The following CFAP47 variants were observed in gnomAD, a reference collection of about 807,000 sequenced individuals.
The protein encoded by CFAP47 is cilia- and flagella-associated protein 47.
A neutral mutation model predicts 148.1 loss-of-function variants in CFAP47; 29 were observed. That is an observed-to-expected ratio of 0.20 (90% CI 0.15 to 0.27). The LOEUF is 0.27. CFAP47 is among the 10% of genes least tolerant of loss of function. The pLI, the probability that CFAP47 is intolerant of heterozygous loss-of-function variation, is 1.00. For missense variants in CFAP47, 1,872 were observed against 1,697.5 expected, an observed-to-expected ratio of 1.10 and a Z score of -1.81; for synonymous variants, 664 against 577.3, an observed-to-expected ratio of 1.15 and a Z score of -2.15.
At chrX:36,055,051 TGGGATTACAGGC>T (rs751581824) in intron 26 of CFAP47, among the ~76,000 whole-genome samples, 5 of 434 alleles carry the variant, frequency 0.012, no homozygotes, top group East Asian at 0.12. Context: ...GGATTACAGG[TGGGATTACAGGC>T]GTGAGCCACC....
intron 53 of CFAP47, among the ~76,000 whole-genome samples, chrX:36,303,448 G>A (rs782000398): frequency 1.3e-4 from 14 of 110,774 alleles, no homozygotes; most frequent in African/African-American, 3.6e-4. Flanking sequence ...GCTTCCCAAA[G>A]CATTGGGATT....
chrX:36,000,244 T>G (rs1936898404), intron 19 of CFAP47, 39 bp from the exon 20 acceptor site: 1 of 282,186 alleles, frequency 3.5e-6, no homozygotes, highest in African/African-American at 2.8e-5. Flanking sequence ...TTTCATAAAC[T>G]ATTCTATTTT....
intron 21 of CFAP47, among the ~76,000 whole-genome samples, chrX:36,002,430 T>C (rs764287796): frequency 9.0e-6 from 1 of 110,931 alleles, no homozygotes; most frequent in South Asian, 3.8e-4. Flanking sequence ...CTACTAAAAG[T>C]ACAAAAATTA....
At chrX:36,086,510 C>G (rs1273386385) in intron 30 of CFAP47, among the ~76,000 whole-genome samples, 1 of 111,755 alleles carries the variant, frequency 8.9e-6, no homozygotes, top group Non-Finnish European at 1.9e-5. Context: ...AGATGTTCAT[C>G]TATCCTAGCA....
chrX:36,318,919 C>A (rs1602106601), intron 56 of CFAP47, among the ~76,000 whole-genome samples: 1 of 111,551 alleles, frequency 9.0e-6, no homozygotes, highest in Non-Finnish European at 1.9e-5. Context: ...AGCAATCTTC[C>A]TGCCTCAGAC....
At chrX:36,263,289 T>C (rs1940851595) in intron 49 of CFAP47, among the ~76,000 whole-genome samples, 1 of 112,238 alleles carries the variant, frequency 8.9e-6, no homozygotes, top group African/African-American at 3.2e-5. Flanking sequence ...TCGTATGTTA[T>C]TTGTTTCTTT....
At chrX:35,968,512 T>A (rs898044565) in intron 10 of CFAP47, among the ~76,000 whole-genome samples, 2 of 111,516 alleles carry the variant, frequency 1.8e-5, no homozygotes, top group African/African-American at 6.5e-5. Flanking sequence ...CCGGAATAAG[T>A]TTTTTTATTT....
At chrX:36,373,314 C>A (rs782122232) in intron 62 of CFAP47, among the ~76,000 whole-genome samples, 2 of 110,999 alleles carry the variant, frequency 1.8e-5, no homozygotes, top group Non-Finnish European at 3.8e-5. Flanking sequence ...GGATTACTTT[C>A]TTGATTTCTT....
chrX:36,080,231 A>G lies in CFAP47; in HGVS notation c.4692-5083A>G, dbSNP rs150459250. ...AAATGCAAATCAAAACCACAGTGAG[A>G]TACCATCTCACATCCATTAGAATGG... On this transcript the variant is annotated intron_variant, in intron 29 of 63. Transcript: ENST00000378653. Among the ~76,000 whole-genome samples the G allele has an allele frequency of 1.2e-3, 134 of 112,080 alleles. 3 individuals carry two copies. The East Asian group carries it at 0.028, about 23-fold the overall frequency.
intron 57 of CFAP47, among the ~76,000 whole-genome samples, chrX:36,324,554 C>G (rs187691695): frequency 3.2e-4 from 36 of 111,078 alleles, no homozygotes; most frequent in African/African-American, 1.1e-3. Context: ...CTGTAAGAAC[C>G]CTATTTTGGA....
chrX:36,384,326 G>C (rs782769332), intron 63 of CFAP47, among the ~76,000 whole-genome samples: 35 of 110,630 alleles, frequency 3.2e-4, no homozygotes, highest in Non-Finnish European at 4.7e-4. Context: ...GGGTGACAGA[G>C]TGAGACCCTG....
intron 39 of CFAP47, among the ~76,000 whole-genome samples, chrX:36,176,802 G>A (rs1391312320): frequency 8.9e-6 from 1 of 112,300 alleles, no homozygotes; most frequent in Non-Finnish European, 1.9e-5. Flanking sequence ...CTACTTGGGA[G>A]GCTGAGGTGG....
chrX:36,384,723 A>T, intron 63 of CFAP47, 74 bp from the exon 64 acceptor site: 5 of 732,086 alleles, frequency 6.8e-6, no homozygotes, highest in Non-Finnish European at 1.0e-5. Context: ...GATGTTAATT[A>T]TAGTGAACTT....
chrX:36,104,530 G>A lies in CFAP47; in HGVS notation c.5159G>A (p.Cys1720Tyr). 2.0e-6 allele frequency: 2 copies of A among 987,536 alleles called. No individual in the cohort carries two copies. Among genetic ancestry groups the A allele is most frequent in the Non-Finnish European group, 2.8e-6 (2 of 726,181 alleles). The allele number at this position is 987,536 out of a possible 1,213,427, so 81.4% of individuals were successfully genotyped here. Residue 1720 changes from cysteine (C) to tyrosine (Y), a missense_variant, in exon 33 of 64, where the codon TGC (cysteine) becomes TAC (tyrosine). Cys to Tyr is a radical substitution (Grantham distance 194). Coordinates refer to ENST00000378653, the MANE Select transcript of CFAP47 (RefSeq NM_001304548.2). The part of the protein sequence containing the change: ...VLVLSRVVPY[C>Y]SNNMPPICVQ... ...GTTCTATCCCGTGTAGTGCCATACT[G>A]CAGCAATAATATGCCCCCCATATGT...
chrX:36,220,300 C>T (rs1418805969), intron 45 of CFAP47, among the ~76,000 whole-genome samples: 1 of 111,009 alleles, frequency 9.0e-6, no homozygotes, highest in African/African-American at 3.3e-5. Context: ...TATGCATATG[C>T]GTGTATTCCG....
chrX:36,375,095 G>A, intron 62 of CFAP47: 1 of 391,110 alleles, frequency 2.6e-6, no homozygotes, highest in Non-Finnish European at 4.7e-6. Flanking sequence ...TGACTTTGGA[G>A]CATGACCTAA....
intron 33 of CFAP47, among the ~76,000 whole-genome samples, chrX:36,123,878 C>G (rs1230069039): frequency 9.0e-6 from 1 of 111,589 alleles, no homozygotes; most frequent in African/African-American, 3.3e-5. Context: ...AGCCACCACA[C>G]CTGGGGATGT....
intron 46 of CFAP47, among the ~76,000 whole-genome samples, chrX:36,229,948 T>G (rs1260779585): frequency 2.9e-5 from 3 of 105,088 alleles, no homozygotes; most frequent in Non-Finnish European, 5.9e-5. Context: ...ACTCATCATT[T>G]TTTATGGCTG....
chrX:35,952,448 C>T (rs1227402085), intron 6 of CFAP47, among the ~76,000 whole-genome samples: 2 of 112,038 alleles, frequency 1.8e-5, no homozygotes, highest in Non-Finnish European at 3.8e-5. Flanking sequence ...GCACTTAAGC[C>T]AGTGTACATT....
Sources: gnomAD v4.1 joint callset for allele counts (sites outside exome capture counted in the v4.1 genomes callset) on GRCh38, gnomAD v4.1.1 for gene constraint, MANE v1.5 for transcripts, NCBI Gene and HGNC (gene_info 2026-07-23, HGNC 2026-07-21) for gene names.